The following SUMF1 variants were observed in gnomAD, a reference collection of about 807,000 sequenced individuals.
The protein encoded by SUMF1 is formylglycine-generating enzyme.
In SUMF1, 48 loss-of-function variants were observed where a neutral mutation model predicts 47.6. The observed-to-expected ratio is 1.01, with a 90% CI of 0.80 to 1.28. The LOEUF is 1.28. Among genes scored for constraint, SUMF1 ranks in the 50% most tolerant of loss-of-function variants. The probability of loss-of-function intolerance (pLI) is 0.00; values close to 1 mark genes in which losing one functional copy is unlikely to be tolerated. For missense variants in SUMF1, 571 were observed against 485.4 expected (o/e 1.18, Z -1.66); for synonymous variants, 230 against 192.1 (o/e 1.20, Z -1.63).
At chr3:4,041,731 T>C (rs934095997) in intron 9 of SUMF1, among the ~76,000 whole-genome samples, 3 of 152,214 alleles carry the variant, frequency 2.0e-5, no homozygotes, top group Non-Finnish European at 4.4e-5. Flanking sequence ...GGCACAGGCA[T>C]ACACATGAGG....
chr3:4,238,814 G>A (rs112914099), intron 8 of SUMF1, among the ~76,000 whole-genome samples: 3,568 of 152,108 alleles, frequency 0.023, 150 homozygotes, highest in African/African-American at 0.082. Context: ...TTTTGTTGCC[G>A]TTGCTTTTGG....
chr3:4,461,143 T>C lies in SUMF1; in HGVS notation c.270+5833A>G, dbSNP rs1031473497. Among the ~76,000 whole-genome samples the C allele has an allele frequency of 4.6e-5, 7 of 152,330 alleles. 1 individual carries two copies. The South Asian group carries it at 1.4e-3, about 32-fold the overall frequency. On this transcript the variant is annotated intron_variant, in intron 1 of 8. Coordinates refer to ENST00000272902, the MANE Select transcript of SUMF1 (RefSeq NM_182760.4). ...AATTTATCATTTGAATTATGCATAATTATAAAAATGCTATTTAATTTATAA... is the reference window on the plus strand; with the variant it reads ...AATTTATCATTTGAATTATGCATAACTATAAAAATGCTATTTAATTTATAA...
chr3:4,418,653 A>C (rs1701796144), intron 4 of SUMF1, among the ~76,000 whole-genome samples: 1 of 152,200 alleles, frequency 6.6e-6, no homozygotes. Flanking sequence ...CCCTCTGCCC[A>C]GTCCTGCTCT....
Position 4,317,165 on chromosome 3 carries a change from G to C in SUMF1, c.1014+59165C>G, listed in dbSNP as rs369137030. The C allele has an allele frequency of 7.4e-4, 1,145 of 1,549,644 alleles. 4 individuals carry two copies. Among genetic ancestry groups the C allele is most frequent in the Middle Eastern group, 3.0e-3 (16 of 5,298 alleles). On this transcript the variant is annotated intron_variant and NMD_transcript_variant, in intron 8 of 12. Transcript: ENST00000448413. Reference sequence around the variant, plus strand: ...AAGAGTTCGTCGAATCCCAAAGCACGGATTTTTACGCTACAGGAATAAACC... The same window carrying C: ...AAGAGTTCGTCGAATCCCAAAGCACCGATTTTTACGCTACAGGAATAAACC...
At chr3:4,288,900 G>A (rs993059608) in intron 8 of SUMF1, among the ~76,000 whole-genome samples, 3 of 151,990 alleles carry the variant, frequency 2.0e-5, no homozygotes, top group Non-Finnish European at 4.4e-5. Context: ...ACTTCACAAC[G>A]TTCTCTTAAA....
Position 4,418,999 on chromosome 3 carries a change from T to C in SUMF1, c.603-867A>G, listed in dbSNP as rs115485876. Among the ~76,000 whole-genome samples, 10 of 152,320 alleles carry C rather than the reference T, an allele frequency of 6.6e-5. No individual in the cohort carries two copies. The South Asian group carries it at 1.9e-3, about 28-fold the overall frequency. ...CACAGTAATTACACCAGGCCTTTCA[T>C]TTATTCTTTCAACAAACATCTACTG... is the stretch of plus-strand genomic sequence containing the variant. On this transcript the variant is annotated intron_variant, in intron 4 of 8. Coordinates refer to ENST00000272902, the MANE Select transcript of SUMF1 (RefSeq NM_182760.4).
intron 8 of SUMF1, among the ~76,000 whole-genome samples, chr3:4,204,683 T>C (rs1695614578): frequency 6.6e-6 from 1 of 152,122 alleles, no homozygotes. Context: ...TTTTTACTTT[T>C]GTTTCCTCTG....
intron 8 of SUMF1, among the ~76,000 whole-genome samples, chr3:4,193,090 G>A (rs761820136): frequency 3.3e-5 from 5 of 152,030 alleles, no homozygotes; most frequent in African/African-American, 9.7e-5. Flanking sequence ...TTGCAGCACT[G>A]TCCAATAATC....
chr3:4,413,478 C>T (rs1701610344), intron 6 of SUMF1, among the ~76,000 whole-genome samples: 1 of 151,942 alleles, frequency 6.6e-6, no homozygotes, highest in East Asian at 1.9e-4. Context: ...GTCACCACCC[C>T]TAAAATTACC....
At chr3:4,172,331 T>C (rs1417345140) in intron 8 of SUMF1, among the ~76,000 whole-genome samples, 1 of 152,140 alleles carries the variant, frequency 6.6e-6, no homozygotes, top group Non-Finnish European at 1.5e-5. Context: ...GGAAATATGA[T>C]AAGCTTGATT....
chr3:4,424,519 T>C (rs1429274708), intron 3 of SUMF1, among the ~76,000 whole-genome samples: 1 of 152,120 alleles, frequency 6.6e-6, no homozygotes, highest in Non-Finnish European at 1.5e-5. Context: ...AGTGTTTTGG[T>C]CCAAAATAGT....
chr3:4,211,173 CAT>C (rs1189095905), intron 8 of SUMF1, among the ~76,000 whole-genome samples: 1 of 107,070 alleles, frequency 9.3e-6, no homozygotes, highest in Non-Finnish European at 1.9e-5. Context: ...TATATACACA[CAT>C]ATATATACAT....
At chr3:4,234,225 G>A (rs1157193065) in intron 8 of SUMF1, among the ~76,000 whole-genome samples, 2 of 151,740 alleles carry the variant, frequency 1.3e-5, no homozygotes, top group Non-Finnish European at 2.9e-5. Flanking sequence ...AAAGTCAGAG[G>A]TTGAATAATT....
At chr3:4,117,888 C>T (rs1240026577) in intron 8 of SUMF1, among the ~76,000 whole-genome samples, 1 of 151,910 alleles carries the variant, frequency 6.6e-6, no homozygotes, top group African/African-American at 2.4e-5. Flanking sequence ...GGCATGACAG[C>T]TAGGCCTTTC....
intron 8 of SUMF1, among the ~76,000 whole-genome samples, chr3:4,075,132 A>G (rs1692391542): frequency 6.6e-6 from 1 of 152,128 alleles, no homozygotes; most frequent in Non-Finnish European, 1.5e-5. Flanking sequence ...CAGCACATCA[A>G]AAAGCTTATC....
At chr3:4,416,976 T>C in intron 6 of SUMF1, 152 bp downstream of exon 6, 2 of 723,422 alleles carry the variant, frequency 2.8e-6, no homozygotes, top group Admixed American at 3.8e-5. Context: ...AAAATCTGTT[T>C]AATTATTAGT....
intron 9 of SUMF1, among the ~76,000 whole-genome samples, chr3:4,053,167 T>C (rs1360584748): frequency 6.6e-6 from 1 of 152,104 alleles, no homozygotes; most frequent in African/African-American, 2.4e-5. Context: ...ATTTCAATAT[T>C]GTTGTGTCTC....
At chr3:4,303,562 C>G in intron 8 of SUMF1, 1 of 1,337,976 alleles carries the variant, frequency 7.5e-7, no homozygotes, top group South Asian at 2.2e-5. Flanking sequence ...GAGGCGGGCG[C>G]GCGGCTCCCC....
At chr3:4,214,266 T>C (rs76134172) in intron 8 of SUMF1, among the ~76,000 whole-genome samples, 2 of 152,050 alleles carry the variant, frequency 1.3e-5, no homozygotes, top group African/African-American at 4.8e-5. Context: ...CACTCAAAAC[T>C]GAACAACCAC....
Sources: gnomAD v4.1 joint callset for allele counts (sites outside exome capture counted in the v4.1 genomes callset) on GRCh38, gnomAD v4.1.1 for gene constraint, MANE v1.5 for transcripts, NCBI Gene and HGNC (gene_info 2026-07-23, HGNC 2026-07-21) for gene names.